Variants in GFRA2 observed in about 807,000 individuals in gnomAD.
GFRA2 encodes GDNF family receptor alpha-2.
GFRA2 carries 17 observed loss-of-function variants against 48.3 expected under a neutral mutation model. That is an observed-to-expected ratio of 0.35 (90% CI 0.24 to 0.53). The LOEUF (loss-of-function observed/expected upper bound fraction) is 0.53, where lower values mean the gene tolerates loss of function less well. Among genes scored for constraint, GFRA2 ranks in the 20% least tolerant of loss-of-function variants. GFRA2 has a pLI of 0.93. For missense variants in GFRA2, 660 were observed against 637.3 expected (o/e 1.04, Z -0.38); for synonymous variants, 305 against 257.2 (o/e 1.19, Z -1.78).
chr8:21,757,816 C>T (rs1805652386), intron 3 of GFRA2, among the ~76,000 whole-genome samples: 1 of 152,272 alleles, frequency 6.6e-6, no homozygotes, highest in South Asian at 2.1e-4. Context: ...TCCCTTAATT[C>T]TTAAATAATG....
At chr8:21,775,874 G>C (rs945100507) in intron 2 of GFRA2, among the ~76,000 whole-genome samples, 10 of 152,138 alleles carry the variant, frequency 6.6e-5, no homozygotes, top group African/African-American at 2.4e-4. Flanking sequence ...CTCCCCCAAA[G>C]ACCCCACCAC....
At chr8:21,701,350 C>T (rs375554636) in intron 7 of GFRA2, among the ~76,000 whole-genome samples, 9 of 152,154 alleles carry the variant, frequency 5.9e-5, no homozygotes, top group South Asian at 2.1e-4. Flanking sequence ...GCCGAGATCG[C>T]GCCACTGCAC....
At chr8:21,722,609 T>G (rs889235174) in intron 4 of GFRA2, among the ~76,000 whole-genome samples, 1 of 151,894 alleles carries the variant, frequency 6.6e-6, no homozygotes, top group Non-Finnish European at 1.5e-5. Flanking sequence ...TGCAGTGAGC[T>G]CTCCCATGTG....
intron 1 of GFRA2, among the ~76,000 whole-genome samples, chr8:21,810,291 C>T (rs929955186): frequency 2.0e-5 from 3 of 152,158 alleles, no homozygotes; most frequent in African/African-American, 7.2e-5. Context: ...CCACAACATG[C>T]AATCCTTCCC....
chr8:21,705,821 C>G (rs1451307912), intron 5 of GFRA2, 111 bp downstream of exon 5: 1 of 679,942 alleles, frequency 1.5e-6, no homozygotes, highest in East Asian at 2.7e-5. Context: ...GCAGAGAAGG[C>G]CGGGCTCAGG....
At chr8:21,736,364 C>G (rs1664168869) in intron 4 of GFRA2, among the ~76,000 whole-genome samples, 1 of 152,156 alleles carries the variant, frequency 6.6e-6, no homozygotes, top group South Asian at 2.1e-4. Context: ...CATTTTTGTT[C>G]AAATATGTAT....
chr8:21,728,278 T>TG (rs1803990311), intron 4 of GFRA2, among the ~76,000 whole-genome samples: 1 of 138,106 alleles, frequency 7.2e-6, no homozygotes, highest in Non-Finnish European at 1.6e-5. Flanking sequence ...TTTTTTTTTT[T>TG]TTTTTTTTTT....
rs1182851860 is a variant in GFRA2 at position 21,697,056 on chromosome 8, G to A, written c.1219-2539C>T. 2.1e-5 allele frequency among the ~76,000 whole-genome samples: 3 copies of A among 142,902 alleles called. No individual in the cohort carries two copies. In the East Asian group the frequency reaches 6.4e-4, roughly 31 times the overall value. 93.7% of individuals were successfully genotyped at this position (142,902 alleles called of 152,430 possible). A position where few individuals can be genotyped will look rare whatever the true frequency, so the allele number is the denominator to read the frequency against. ...AGGAGAGGGGAGGAGACAGAGGAGA[G>A]GGAAGGGGACCGAGGAGGGTAGATG... On this transcript the variant is annotated intron_variant, in intron 7 of 8. Coordinates refer to ENST00000524240, the MANE Select transcript of GFRA2 (RefSeq NM_001495.5).
At chr8:21,737,746 C>T (rs563319217) in intron 4 of GFRA2, among the ~76,000 whole-genome samples, 1 of 152,254 alleles carries the variant, frequency 6.6e-6, no homozygotes, top group Non-Finnish European at 1.5e-5. Flanking sequence ...GTCTCCACAC[C>T]ACTCTCCCTG....
At chr8:21,794,765 C>T (rs1807638354) in intron 2 of GFRA2, among the ~76,000 whole-genome samples, 1 of 152,102 alleles carries the variant, frequency 6.6e-6, no homozygotes, top group East Asian at 1.9e-4. Flanking sequence ...ACATCCCCTC[C>T]ACACTCCAGA....
At chr8:21,779,912 C>T (rs913213631) in intron 2 of GFRA2, among the ~76,000 whole-genome samples, 1 of 152,076 alleles carries the variant, frequency 6.6e-6, no homozygotes, top group African/African-American at 2.4e-5. Context: ...GAAGGCTCAT[C>T]CCCTGGCCCA....
intron 4 of GFRA2, among the ~76,000 whole-genome samples, chr8:21,739,156 G>A (rs1563239142): frequency 6.6e-6 from 1 of 152,174 alleles, no homozygotes; most frequent in African/African-American, 2.4e-5. Flanking sequence ...GGAGAGTAGG[G>A]ACAGTGATCT....
At chr8:21,796,420 A>C (rs1807678606) in intron 2 of GFRA2, among the ~76,000 whole-genome samples, 1 of 152,242 alleles carries the variant, frequency 6.6e-6, no homozygotes, top group Admixed American at 6.5e-5. Context: ...GAGAGCTCTC[A>C]GTCCCAACAG....
chr8:21,769,931 C>T (rs943084447), intron 3 of GFRA2, among the ~76,000 whole-genome samples: 1 of 152,216 alleles, frequency 6.6e-6, no homozygotes, highest in Non-Finnish European at 1.5e-5. Flanking sequence ...TTGGCCCTCT[C>T]CAGGCTCCAA....
intron 7 of GFRA2, among the ~76,000 whole-genome samples, chr8:21,699,885 G>A (rs962016318): frequency 3.3e-5 from 5 of 152,198 alleles, no homozygotes; most frequent in Admixed American, 6.5e-5. Flanking sequence ...ACCCAGCTAC[G>A]CAGGGTGACG....
chr8:21,694,484 ACT>A lies in GFRA2; in HGVS notation c.1250_1251del (p.Glu417ValfsTer17), dbSNP rs775008896. On this transcript the variant is annotated frameshift_variant, in exon 8 of 9. Transcript: ENST00000524240. LOFTEE classifies it high-confidence loss of function. ...EQGLKANNSK[E>X]LSMCFTELTT... Reference sequence around the variant, plus strand: ...CTCACCTCTGTGAAGCACATGCTTAACTCTTTGGAGTTGTTGGCCTTCAGCCC... The same window carrying A: ...CTCACCTCTGTGAAGCACATGCTTAACTTTGGAGTTGTTGGCCTTCAGCCC... The A allele has an allele frequency of 6.2e-7, 1 of 1,612,400 alleles. No homozygotes were observed. The highest frequency in any genetic ancestry group is 1.7e-5 in the Admixed American group (1 of 59,906).
chr8:21,796,987 T>C (rs903035318), intron 2 of GFRA2, among the ~76,000 whole-genome samples: 4 of 152,180 alleles, frequency 2.6e-5, no homozygotes, highest in Non-Finnish European at 4.4e-5. Flanking sequence ...TGGGAAGATG[T>C]ATAGTCCAGG....
intron 3 of GFRA2, among the ~76,000 whole-genome samples, chr8:21,774,598 G>A (rs1435612479): frequency 6.6e-6 from 1 of 152,316 alleles, no homozygotes; most frequent in African/African-American, 2.4e-5. Flanking sequence ...TCACAGCTGA[G>A]GAAACTGAGG....
chr8:21,797,630 C>T (rs1030222110), intron 2 of GFRA2: 122 of 152,330 alleles, frequency 8.0e-4, no homozygotes, highest in African/African-American at 2.9e-3. Flanking sequence ...CCACCCGTGC[C>T]TCTCACTTTA....
Sources: gnomAD v4.1 joint callset for allele counts (sites outside exome capture counted in the v4.1 genomes callset) on GRCh38, gnomAD v4.1.1 for gene constraint, MANE v1.5 for transcripts, NCBI Gene and HGNC (gene_info 2026-07-23, HGNC 2026-07-21) for gene names.